The following MKLN1 variants were observed in gnomAD, a reference collection of about 807,000 sequenced individuals.
The protein encoded by MKLN1 is muskelin 1, also known as muskelin.
In MKLN1, 18 loss-of-function variants were observed where a neutral mutation model predicts 99.0. That is an observed-to-expected ratio of 0.18 (90% confidence interval 0.13 to 0.27). MKLN1 has a LOEUF of 0.27. Ranked by LOEUF, MKLN1 falls within the 10% of genes least tolerant of loss-of-function variation. The probability of loss-of-function intolerance (pLI) is 1.00; values close to 1 mark genes in which losing one functional copy is unlikely to be tolerated. For synonymous variants in MKLN1, 288 were observed against 293.2 expected, an observed-to-expected ratio of 0.98 and a Z score of 0.18; for missense variants, 621 against 875.9, an observed-to-expected ratio of 0.71 and a Z score of 3.67.
chr7:131,147,027 T>C (rs528848698), intron 2 of MKLN1, among the ~76,000 whole-genome samples: 10 of 152,132 alleles, frequency 6.6e-5, no homozygotes, highest in Non-Finnish European at 1.5e-4. Context: ...CATCTGATAT[T>C]TGATTATGTT....
chr7:131,397,184 T>G lies in MKLN1; in HGVS notation c.401-83T>G, dbSNP rs1794385559. The stretch of plus-strand genomic sequence containing the variant: ...ATTCGTTGAATGAATCCTTATAAGG[T>G]TGAATAGTGCTTTTACTTTGCTAAA... On this transcript the variant is annotated intron_variant, in intron 4 of 17. Transcript: ENST00000352689. 7.7e-6 allele frequency: 7 copies of G among 908,578 alleles called. 1 individual carries two copies. In the South Asian group the frequency reaches 1.1e-4, roughly 14 times the overall value. The allele number at this position is 908,578 out of a possible 1,614,324, so 56.3% of individuals were successfully genotyped here.
At chr7:131,399,101 T>C in intron 5 of MKLN1, 140 bp from the exon 6 acceptor site, 1 of 679,124 alleles carries the variant, frequency 1.5e-6, no homozygotes, top group East Asian at 2.9e-5. Flanking sequence ...TGATACCTAA[T>C]GAATCAGGTT....
chr7:131,167,085 C>T (rs765449563), intron 2 of MKLN1, among the ~76,000 whole-genome samples: 2 of 152,166 alleles, frequency 1.3e-5, no homozygotes, highest in Admixed American at 1.3e-4. Context: ...TTTCCTCTTC[C>T]CCATTGTACT....
At chr7:131,241,956 G>T (rs1435345493) in intron 3 of MKLN1, among the ~76,000 whole-genome samples, 1 of 152,136 alleles carries the variant, frequency 6.6e-6, no homozygotes, top group African/African-American at 2.4e-5. Flanking sequence ...TGCAACACAT[G>T]ATTTTTCTTA....
rs75886537 is a variant in MKLN1 at position 131,413,588 on chromosome 7, G to A, written c.782-1057G>A. Among the ~76,000 whole-genome samples the A allele has an allele frequency of 4.0e-5, 6 of 151,516 alleles. No homozygotes were observed. In the East Asian group the frequency reaches 7.7e-4, roughly 19 times the overall value. On this transcript the variant is annotated intron_variant, in intron 7 of 17. Coordinates refer to ENST00000352689, the MANE Select transcript of MKLN1 (RefSeq NM_013255.5). ...GGAGTCTTACTCTCGTTGCCCAGCCGGAGTGCAGTGGTGCAAACTCGGTTC... is the reference window on the plus strand; with the variant it reads ...GGAGTCTTACTCTCGTTGCCCAGCCAGAGTGCAGTGGTGCAAACTCGGTTC...
At chr7:131,158,614 C>T (rs1416603038) in intron 2 of MKLN1, among the ~76,000 whole-genome samples, 1 of 152,156 alleles carries the variant, frequency 6.6e-6, no homozygotes, top group African/African-American at 2.4e-5. Context: ...CCACTGATGC[C>T]TAAAGTCTTA....
intron 1 of MKLN1, among the ~76,000 whole-genome samples, chr7:131,134,081 C>T (rs367924813): frequency 1.1e-4 from 16 of 151,982 alleles, no homozygotes; most frequent in African/African-American, 3.4e-4. Context: ...CCACCTGCCT[C>T]GGCCTCCCAA....
chr7:131,195,463 A>T (rs1796629092), intron 2 of MKLN1, among the ~76,000 whole-genome samples: 1 of 151,878 alleles, frequency 6.6e-6, no homozygotes, highest in Non-Finnish European at 1.5e-5. Flanking sequence ...ACGAGCCAAG[A>T]TCGTGCCACT....
chr7:131,227,426 CCTCTTTCT>C (rs565694170), intron 3 of MKLN1, among the ~76,000 whole-genome samples: 9 of 130,296 alleles, frequency 6.9e-5, no homozygotes, highest in South Asian at 2.5e-4. Flanking sequence ...TCTCTTTCTC[CCTCTTTCT>C]CTCTTTCTCT....
chr7:131,307,518 G>A (rs1439731355), intron 3 of MKLN1, among the ~76,000 whole-genome samples: 2 of 152,228 alleles, frequency 1.3e-5, no homozygotes, highest in Admixed American at 1.3e-4. Flanking sequence ...ACCCCGCAGA[G>A]TCACAGGAGC....
intron 3 of MKLN1, among the ~76,000 whole-genome samples, chr7:131,298,079 C>G (rs1798320857): frequency 1.3e-5 from 2 of 150,914 alleles, no homozygotes; most frequent in African/African-American, 2.4e-5. Context: ...GTCAGGAGAT[C>G]GAGACCACGG....
chr7:131,185,083 A>G (rs1482476560), intron 2 of MKLN1, among the ~76,000 whole-genome samples: 2 of 152,232 alleles, frequency 1.3e-5, no homozygotes, highest in Non-Finnish European at 2.9e-5. Flanking sequence ...GGGAGAAATC[A>G]GATCAGAGTT....
At chr7:131,142,265 G>C (rs1469273399) in intron 1 of MKLN1, among the ~76,000 whole-genome samples, 1 of 152,132 alleles carries the variant, frequency 6.6e-6, no homozygotes, top group Non-Finnish European at 1.5e-5. Flanking sequence ...AAACACATTA[G>C]CCAGATGTGG....
At chr7:131,305,707 T>C (rs1045243760) in intron 3 of MKLN1, among the ~76,000 whole-genome samples, 3 of 152,196 alleles carry the variant, frequency 2.0e-5, no homozygotes, top group Non-Finnish European at 2.9e-5. Context: ...TTATATTTTA[T>C]TTTGCCCCAC....
intron 3 of MKLN1, among the ~76,000 whole-genome samples, chr7:131,317,448 G>A (rs1158956051): frequency 6.6e-6 from 1 of 152,130 alleles, no homozygotes; most frequent in East Asian, 1.9e-4. Context: ...AAAAGCTCCT[G>A]AAGGAAGCAC....
intron 3 of MKLN1, among the ~76,000 whole-genome samples, chr7:131,318,758 G>T (rs942069787): frequency 6.6e-6 from 1 of 151,892 alleles, no homozygotes; most frequent in Non-Finnish European, 1.5e-5. Context: ...AATGATAAAG[G>T]GGATATCACC....
At chr7:131,264,636 C>T (rs1369717962) in intron 3 of MKLN1, among the ~76,000 whole-genome samples, 1 of 151,840 alleles carries the variant, frequency 6.6e-6, no homozygotes, top group Non-Finnish European at 1.5e-5. Flanking sequence ...TTTTGGGTCC[C>T]CGGAGGGTTT....
chr7:131,377,320 ATCATGTTCTCC>A (rs1485321871), intron 2 of MKLN1, among the ~76,000 whole-genome samples: 1 of 152,150 alleles, frequency 6.6e-6, no homozygotes, highest in Non-Finnish European at 1.5e-5. Context: ...TTGCTGTTGG[ATCATGTTCTCC>A]TCATCACTTC....
At chr7:131,396,306 C>CAA (rs1371131082) in intron 4 of MKLN1, among the ~76,000 whole-genome samples, 1 of 152,192 alleles carries the variant, frequency 6.6e-6, no homozygotes. Context: ...TTCCTGGCCT[C>CAA]AAGTGATCCT....
Sources: gnomAD v4.1 joint callset for allele counts (sites outside exome capture counted in the v4.1 genomes callset) on GRCh38, gnomAD v4.1.1 for gene constraint, MANE v1.5 for transcripts, NCBI Gene and HGNC (gene_info 2026-07-23, HGNC 2026-07-21) for gene names.